KDM4C: variants seen among roughly 807,000 people sequenced by gnomAD.
KDM4C encodes lysine-specific demethylase 4C.
Under a neutral mutation model 129.3 loss-of-function variants are expected in KDM4C, and 81 were observed. That is an observed-to-expected ratio of 0.63 (90% CI 0.52 to 0.75). The LOEUF is 0.75. Ranked by LOEUF, KDM4C falls within the 30% of genes least tolerant of loss-of-function variation. The pLI, the probability that KDM4C is intolerant of heterozygous loss-of-function variation, is 0.00. For missense variants in KDM4C, 1,457 were observed against 1,304.0 expected (o/e 1.12, Z -1.81); for synonymous variants, 573 against 456.1 (o/e 1.26, Z -3.26).
At chr9:6,910,398 A>C (rs983446864) in intron 8 of KDM4C, among the ~76,000 whole-genome samples, 4 of 152,176 alleles carry the variant, frequency 2.6e-5, no homozygotes, top group African/African-American at 9.6e-5. Context: ...CCCCCATCTT[A>C]TTAGAGAAAA....
At chr9:7,125,449 A>G (rs1445997335) in intron 18 of KDM4C, among the ~76,000 whole-genome samples, 1 of 152,216 alleles carries the variant, frequency 6.6e-6, no homozygotes, top group Non-Finnish European at 1.5e-5. Flanking sequence ...GGTTTTGTGT[A>G]TTTGACTCTC....
intron 4 of KDM4C, among the ~76,000 whole-genome samples, chr9:6,838,928 T>G (rs868231897): frequency 2.4e-4 from 36 of 152,222 alleles, no homozygotes; most frequent in African/African-American, 7.7e-4. Context: ...AGGCACTGTT[T>G]TCTTTTATGG....
At chr9:7,052,898 A>AGAGAGAGAGAGAGAGAGAGCGAGAGAGT (rs1477487723) in intron 17 of KDM4C, among the ~76,000 whole-genome samples, 5 of 47,530 alleles carry the variant, frequency 1.1e-4, no homozygotes, top group Admixed American at 5.2e-4. Context: ...AGAGAGAGAG[A>AGAGAGAGAGAGAGAGAGAGCGAGAGAGT]GAGCGAGCGA....
rs1824613627 is a variant in KDM4C, at chr9:6,782,635, T to C, written c.-17-10337T>C. Among the ~76,000 whole-genome samples, 3 of 152,088 alleles carry C rather than the reference T, an allele frequency of 2.0e-5. No homozygotes were observed. In the South Asian group the frequency reaches 6.2e-4, roughly 32 times the overall value. On this transcript the variant is annotated intron_variant, in intron 1 of 21. Coordinates refer to ENST00000381309, the MANE Select transcript of KDM4C (RefSeq NM_015061.6). The stretch of plus-strand genomic sequence containing the variant: ...TCACTCCTTTGGGAACATCGAGTGG[T>C]TTAAAGTGAAGCAAAGGTTTCAAGT...
chr9:6,806,545 C>T (rs1588402832), intron 3 of KDM4C, among the ~76,000 whole-genome samples: 1 of 150,204 alleles, frequency 6.7e-6, no homozygotes, highest in African/African-American at 2.4e-5. Context: ...AATCCCAAAT[C>T]TTAGCTGCTT....
chr9:7,069,985 G>C (rs993925555), intron 17 of KDM4C, among the ~76,000 whole-genome samples: 1 of 152,174 alleles, frequency 6.6e-6, no homozygotes, highest in Non-Finnish European at 1.5e-5. Flanking sequence ...GAGAGGTACA[G>C]ATTTAAGTCA....
intron 4 of KDM4C, among the ~76,000 whole-genome samples, chr9:6,832,869 A>T (rs1835151029): frequency 6.7e-6 from 1 of 150,314 alleles, no homozygotes; most frequent in African/African-American, 2.5e-5. Flanking sequence ...CTGGGATTAT[A>T]GGCACCCACC....
At chr9:6,722,795 G>T (rs1176011294) in intron 1 of KDM4C, among the ~76,000 whole-genome samples, 1 of 152,020 alleles carries the variant, frequency 6.6e-6, no homozygotes, top group Non-Finnish European at 1.5e-5. Flanking sequence ...TTACAGGTAT[G>T]AGCCACCGCA....
At chr9:6,935,617 A>T (rs183137463) in intron 8 of KDM4C, among the ~76,000 whole-genome samples, 5 of 150,582 alleles carry the variant, frequency 3.3e-5, no homozygotes, top group African/African-American at 1.2e-4. Context: ...TATTGTGCCT[A>T]TATTTCTCCT....
rs759990835 is a variant in KDM4C, at chr9:6,841,736, C to A, written c.436-7771C>A. ...TTGTGGGCAAGTGACTATAGCTATT[C>A]CACTTGGTGGACAAAGCAGAATGCA... On this transcript the variant is annotated intron_variant, in intron 4 of 21. Coordinates refer to ENST00000381309, the MANE Select transcript of KDM4C (RefSeq NM_015061.6). Among the ~76,000 whole-genome samples, 117 of 152,282 alleles carry A rather than the reference C, an allele frequency of 7.7e-4. 1 individual carries two copies. The highest frequency in any genetic ancestry group is 1.6e-3 in the Non-Finnish European group (110 of 68,030).
intron 8 of KDM4C, among the ~76,000 whole-genome samples, chr9:6,918,564 G>A (rs1193972293): frequency 6.6e-6 from 1 of 152,068 alleles, no homozygotes; most frequent in Admixed American, 6.5e-5. Context: ...TCAGTTGGTA[G>A]GTCTGTTTTA....
At chr9:6,932,021 G>C (rs112758353) in intron 8 of KDM4C, among the ~76,000 whole-genome samples, 5 of 152,336 alleles carry the variant, frequency 3.3e-5, no homozygotes, top group African/African-American at 9.6e-5. Context: ...TGATTCATCA[G>C]AGAAGTGAGC....
chr9:7,127,580 G>A (rs79737233), intron 18 of KDM4C, among the ~76,000 whole-genome samples: 2,270 of 152,234 alleles, frequency 0.015, 52 homozygotes, highest in African/African-American at 0.051. Context: ...GCCTAAAGAG[G>A]TGTGGCAACT....
At chr9:6,844,766 C>G (rs1036876000) in intron 4 of KDM4C, among the ~76,000 whole-genome samples, 34 of 152,184 alleles carry the variant, frequency 2.2e-4, no homozygotes, top group African/African-American at 8.2e-4. Context: ...CTGCTCACCA[C>G]AACCTCTGCC....
rs1818705438 is a variant in KDM4C, at chr9:6,758,434, C to G, written c.-18+231C>G. Among the ~76,000 whole-genome samples, 2 of 152,328 alleles carry G rather than the reference C, an allele frequency of 1.3e-5. No individual in the cohort carries two copies. Among genetic ancestry groups the G allele is most frequent in the Admixed American group, 6.5e-5 (1 of 15,310 alleles). On this transcript the variant is annotated intron_variant, in intron 1 of 21. Transcript: ENST00000381309. This position sits in a 1 kb window ranked among gnomAD's most constrained non-coding sequence, Gnocchi z 4.6. ...GGGCCGGTGACAGCCCGCTCCGGCC[C>G]TTACCGAGGTTCGGTACCCGCGCTC...
intron 1 of KDM4C, among the ~76,000 whole-genome samples, chr9:6,789,375 C>A (rs1826100583): frequency 6.6e-6 from 1 of 151,974 alleles, no homozygotes; most frequent in South Asian, 2.1e-4. Context: ...CATGTGCCAC[C>A]ACGCCTGGCT....
upstream of KDM4C, chr9:6,757,668 G>A: frequency 4.1e-6 from 4 of 985,542 alleles, no homozygotes; most frequent in Non-Finnish European, 4.8e-6. Context: ...GCGCCCAGGA[G>A]GACGTGTGGC....
chr9:6,855,307 A>G (rs1839602479), intron 5 of KDM4C, among the ~76,000 whole-genome samples: 1 of 151,918 alleles, frequency 6.6e-6, no homozygotes, highest in African/African-American at 2.4e-5. Context: ...AAAAATACAA[A>G]AATTAGCTGG....
intron 2 of KDM4C, among the ~76,000 whole-genome samples, chr9:6,793,894 G>A (rs1827236234): frequency 1.3e-5 from 2 of 151,972 alleles, no homozygotes; most frequent in South Asian, 2.1e-4. Flanking sequence ...TAATAATATT[G>A]TATAATGCAT....
Sources: allele counts gnomAD v4.1 joint callset (sites outside exome capture counted in the v4.1 genomes callset), GRCh38; gene constraint gnomAD v4.1.1; non-coding constraint Gnocchi (gnomAD v3.1); transcripts MANE v1.5; gene names NCBI Gene and HGNC (gene_info 2026-07-23, HGNC 2026-07-21).